The following ATRN variants were observed in gnomAD, a reference collection of about 807,000 sequenced individuals.
ATRN encodes the protein attractin, also known as attractin-2.
In ATRN, 54 loss-of-function variants were observed where a neutral mutation model predicts 178.7. That is an observed-to-expected ratio of 0.30 (90% CI 0.24 to 0.38). ATRN has a LOEUF of 0.38. Among genes scored for constraint, ATRN ranks in the 10% least tolerant of loss-of-function variants. The pLI is 1.00. For synonymous variants in ATRN, 636 were observed against 663.0 expected (o/e 0.96, Z 0.63); for missense variants, 1,443 against 1,815.1 (o/e 0.79, Z 3.73).
At chr20:3,481,172 G>A (rs908416367) in intron 1 of ATRN, among the ~76,000 whole-genome samples, 7 of 151,550 alleles carry the variant, frequency 4.6e-5, no homozygotes, top group African/African-American at 1.5e-4. Flanking sequence ...TATTATTAAC[G>A]TGACTTCCTT....
chr20:3,576,896 A>G lies in ATRN; in HGVS notation c.2252A>G (p.Asn751Ser). 1 of 1,614,080 alleles carries G rather than the reference A, an allele frequency of 6.2e-7. No homozygotes were observed. The highest frequency in any genetic ancestry group is 1.3e-5 in the African/African-American group (1 of 75,020). Reference protein sequence around the residue: ...IFRYENCPKDNPMYYCNKKTS... With the variant: ...IFRYENCPKDSPMYYCNKKTS... The stretch of plus-strand genomic sequence containing the variant: ...AGGTATGAGAATTGCCCCAAGGATA[A>G]CCCCATGTACTACTGTAACAAGAAG... The change falls in exon 14 of 29, where the codon AAC becomes AGC. Residue 751 changes from asparagine to serine, a missense_variant. Physicochemically the swap from Asn to Ser is conservative, Grantham distance 46 (BLOSUM62 1). This residue lies in a region of ATRN where 862 missense variants were observed against 972.1 expected (regional missense o/e 0.89). Transcript: ENST00000262919.
chr20:3,531,617 G>C (rs992664828), intron 1 of ATRN, among the ~76,000 whole-genome samples: 5 of 152,174 alleles, frequency 3.3e-5, no homozygotes, highest in African/African-American at 4.8e-5. Flanking sequence ...GTTTTGTTGA[G>C]TGAGCAAAGA....
chr20:3,508,119 C>T (rs541338115), intron 1 of ATRN, among the ~76,000 whole-genome samples: 24 of 151,466 alleles, frequency 1.6e-4, no homozygotes, highest in East Asian at 1.4e-3. Context: ...GAGGCTGAGG[C>T]GGGATGATTC....
intron 21 of ATRN, 131 bp downstream of exon 21, chr20:3,596,560 A>G: frequency 2.4e-6 from 2 of 823,790 alleles, no homozygotes; most frequent in Non-Finnish European, 2.0e-6. Context: ...CAGACTTGAT[A>G]TGTTTACATT....
intron 14 of ATRN, among the ~76,000 whole-genome samples, chr20:3,577,340 T>C (rs2086226606): frequency 6.6e-6 from 1 of 152,160 alleles, no homozygotes; most frequent in South Asian, 2.1e-4. Flanking sequence ...TGCTGAGCAC[T>C]TTATGGAGAG....
In ATRN at chr20:3,481,242, C is replaced by T. The variant is rs2146068952; in HGVS notation, c.410+9725C>T. Among the ~76,000 whole-genome samples, 2 of 152,116 alleles carry T rather than the reference C, an allele frequency of 1.3e-5. 1 individual carries two copies. Among genetic ancestry groups the T allele is most frequent in the South Asian group, 4.2e-4 (2 of 4,810 alleles). ...TTCCCACTTTTCATTTTCTTTATGT[C>T]ATATCTCTTTAACTGCTTTTCTTTT... is the stretch of plus-strand genomic sequence containing the variant. On this transcript the variant is annotated intron_variant, in intron 1 of 28. Transcript: ENST00000262919.
In ATRN at chr20:3,471,474, G is replaced by T; in HGVS notation, c.367G>T (p.Gly123Cys). ...CACCGGCCAGTGCGTCTGCCCCGCC[G>T]GCTGGGTGGGCGAGCAATGCCAGCA... Reference protein sequence around the residue: ...PGTGQCVCPAGWVGEQCQHCG... With the variant: ...PGTGQCVCPACWVGEQCQHCG... Residue 123 changes from glycine (G) to cysteine (C), a missense_variant, in exon 1 of 29, where the codon GGC becomes TGC. Physicochemically the swap from Gly to Cys is radical, Grantham distance 159 (BLOSUM62 -3). This residue lies in a region of ATRN where 862 missense variants were observed against 972.1 expected (regional missense o/e 0.89). Coordinates refer to ENST00000262919, the MANE Select transcript of ATRN (RefSeq NM_139321.3). 7.1e-7 allele frequency: 1 copy of T among 1,410,894 alleles called. No homozygotes were observed. The highest frequency in any genetic ancestry group is 9.2e-7 in the Non-Finnish European group (1 of 1,091,296). 87.4% of individuals were successfully genotyped at this position (1,410,894 alleles called of 1,614,324 possible). A position where few individuals can be genotyped will look rare whatever the true frequency, so the allele number is the denominator to read the frequency against.
intron 5 of ATRN, among the ~76,000 whole-genome samples, chr20:3,548,015 A>G (rs1303999067): frequency 6.6e-6 from 1 of 152,168 alleles, no homozygotes; most frequent in Admixed American, 6.5e-5. Flanking sequence ...CTTTGAAAGG[A>G]AATATGCTGG....
rs565915184 is a variant in ATRN, at chr20:3,530,217, T to TTA, written c.411-5023_411-5022dup. On this transcript the variant is annotated intron_variant, in intron 1 of 28. Transcript: ENST00000262919. ...TGGTAGAGCAGGCATGGTATGAGAT[T>TTA]TATATATATATATAATATATATATT... Among the ~76,000 whole-genome samples, 742 of 147,098 alleles carry TTA rather than the reference T, an allele frequency of 5.0e-3. 3 individuals carry two copies. The highest frequency in any genetic ancestry group is 0.018 in the Middle Eastern group (5 of 278).
intron 18 of ATRN, among the ~76,000 whole-genome samples, chr20:3,588,425 G>A (rs1209502498): frequency 2.0e-5 from 3 of 151,968 alleles, no homozygotes; most frequent in African/African-American, 7.3e-5. Flanking sequence ...CACTTTTTCT[G>A]TGTCTACTTA....
chr20:3,516,133 A>C (rs937662775), intron 1 of ATRN, among the ~76,000 whole-genome samples: 1 of 152,214 alleles, frequency 6.6e-6, no homozygotes, highest in Non-Finnish European at 1.5e-5. Context: ...TATCAGCTAA[A>C]ATTGAAGAGA....
At chr20:3,523,470 G>A (rs1169897411) in intron 1 of ATRN, among the ~76,000 whole-genome samples, 1 of 152,098 alleles carries the variant, frequency 6.6e-6, no homozygotes, top group African/African-American at 2.4e-5. Flanking sequence ...TGGGGAGAAT[G>A]GAACCAAGTT....
intron 1 of ATRN, chr20:3,490,753 C>T (rs1487330472): frequency 9.5e-5 from 75 of 790,074 alleles, no homozygotes; most frequent in Non-Finnish European, 1.4e-4. Flanking sequence ...TTTATTTACT[C>T]GAGTCTATTA....
intron 1 of ATRN, among the ~76,000 whole-genome samples, chr20:3,528,774 C>CA (rs1234972440): frequency 2.6e-5 from 4 of 152,082 alleles, no homozygotes; most frequent in Non-Finnish European, 1.5e-5. Flanking sequence ...ATAATATGTG[C>CA]AGATGATCAG....
At chr20:3,530,666 A>G (rs1301255204) in intron 1 of ATRN, among the ~76,000 whole-genome samples, 1 of 152,084 alleles carries the variant, frequency 6.6e-6, no homozygotes, top group East Asian at 1.9e-4. Context: ...AATAATCTTA[A>G]TCATATGTGT....
intron 24 of ATRN, among the ~76,000 whole-genome samples, chr20:3,621,641 A>AT (rs547422249): frequency 6.6e-6 from 1 of 152,128 alleles, no homozygotes; most frequent in African/African-American, 2.4e-5. Flanking sequence ...ATTAAAATAG[A>AT]TTTTTATATA....
intron 24 of ATRN, among the ~76,000 whole-genome samples, chr20:3,622,953 A>G (rs946627261): frequency 2.0e-5 from 3 of 152,232 alleles, no homozygotes; most frequent in Non-Finnish European, 4.4e-5. Context: ...TGAACACCAG[A>G]TAAGTCCTCA....
intron 26 of ATRN, among the ~76,000 whole-genome samples, chr20:3,634,871 G>A (rs2087014376): frequency 1.3e-5 from 2 of 152,180 alleles, no homozygotes; most frequent in Admixed American, 6.5e-5. Context: ...TTTTAAATAA[G>A]TCTTGATTTG....
Position 3,584,201 on chromosome 20 carries a change from C to G in ATRN, c.2950+118C>G. 9 of 1,097,214 alleles carry G rather than the reference C, an allele frequency of 8.2e-6. No homozygotes were observed. In the South Asian group the frequency reaches 1.2e-4, roughly 15 times the overall value. The allele number at this position is 1,097,214 out of a possible 1,614,324, so 68.0% of individuals were successfully genotyped here. ...TTAGAAACAAGACTGGACATGACCT[C>G]TGCTCAAACCTGACCAGAGACTGCC... is the stretch of plus-strand genomic sequence containing the variant. On this transcript the variant is annotated intron_variant, in intron 17 of 28. Coordinates refer to ENST00000262919, the MANE Select transcript of ATRN (RefSeq NM_139321.3).
Sources: allele counts gnomAD v4.1 joint callset (sites outside exome capture counted in the v4.1 genomes callset), GRCh38; gene constraint gnomAD v4.1.1; regional missense constraint gnomAD v4.1.1; transcripts MANE v1.5; gene names NCBI Gene and HGNC (gene_info 2026-07-23, HGNC 2026-07-21).